Variants in LAMP1 observed in about 807,000 individuals in gnomAD.
The protein encoded by LAMP1 is lysosome associated membrane protein 1.
In LAMP1, 7 loss-of-function variants were observed where a neutral mutation model predicts 37.5. That is an observed-to-expected ratio of 0.19 (90% CI 0.11 to 0.35). The LOEUF (loss-of-function observed/expected upper bound fraction) is 0.35. Among genes scored for constraint, LAMP1 ranks in the 10% least tolerant of loss-of-function variants. The probability of loss-of-function intolerance (pLI) is 1.00; values close to 1 mark genes in which losing one functional copy is unlikely to be tolerated. For missense variants in LAMP1, 537 were observed against 552.8 expected (o/e 0.97, Z 0.29); for synonymous variants, 236 against 229.1 (o/e 1.03, Z -0.27).
At chr13:113,301,323 T>A (rs1260519576) in intron 1 of LAMP1, among the ~76,000 whole-genome samples, 1 of 151,554 alleles carries the variant, frequency 6.6e-6, no homozygotes, top group East Asian at 1.9e-4. Context: ...ACAAAAAAAA[T>A]TAAAAAGAAA....
chr13:113,301,647 ATATATATATATATATATATATATATATAT>A (rs2042574607), intron 1 of LAMP1, among the ~76,000 whole-genome samples: 2 of 392 alleles, frequency 5.1e-3, no homozygotes, highest in South Asian at 0.071. Flanking sequence ...AAAAAAAAAT[ATATATATATATATATATATATATATATAT>A]ATATATATAT....
chr13:113,319,000 G>A (rs1477159234), intron 4 of LAMP1, among the ~76,000 whole-genome samples: 2 of 152,224 alleles, frequency 1.3e-5, no homozygotes, highest in East Asian at 3.8e-4. Flanking sequence ...CGATCCTGGC[G>A]CTCACCCGAC....
intron 1 of LAMP1, chr13:113,305,596 C>G (rs2042594413): frequency 6.6e-6 from 1 of 152,194 alleles, no homozygotes; most frequent in African/African-American, 2.4e-5. Flanking sequence ...CTGGAAAGAC[C>G]TATAGAGCTT....
rs750003380 is a variant in LAMP1 at position 113,320,403 on chromosome 13, G to T, written c.809G>T (p.Gly270Val). The T allele has an allele frequency of 8.1e-6, 13 of 1,613,156 alleles. No individual in the cohort carries two copies. The highest frequency in any genetic ancestry group is 1.1e-5 in the Non-Finnish European group (13 of 1,180,008). The stretch of plus-strand genomic sequence containing the variant: ...AAGACCTCGGCCAGCGGGAGCTGCG[G>T]CGCCCACCTGGTGACTCTGGAGCTG... ...PNKTSASGSCGAHLVTLELHS... is the reference protein window; with the variant it reads ...PNKTSASGSCVAHLVTLELHS... The change falls in exon 6 of 9, where the codon GGC becomes GTC. Residue 270 changes from glycine to valine, a missense_variant. Gly to Val is a moderately radical substitution (Grantham distance 109). Transcript: ENST00000332556. This position sits in a 1 kb window ranked among gnomAD's most constrained non-coding sequence, Gnocchi z 4.4.
intron 1 of LAMP1, among the ~76,000 whole-genome samples, chr13:113,303,346 CTTTATGTGATCCCTGG>C (rs1182602656): frequency 6.6e-6 from 1 of 152,162 alleles, no homozygotes; most frequent in East Asian, 1.9e-4. Flanking sequence ...ACAGTTACTC[CTTTATGTGATCCCTGG>C]AGAAGTGGTC....
chr13:113,316,175 G>T (rs923858048), intron 4 of LAMP1, among the ~76,000 whole-genome samples: 1 of 152,188 alleles, frequency 6.6e-6, no homozygotes, highest in African/African-American at 2.4e-5. Flanking sequence ...CCTGAGGCTG[G>T]AGTCAGCCAG....
rs374546404 is a variant in LAMP1 at position 113,301,071 on chromosome 13, C to T, written c.61+3576C>T. Among the ~76,000 whole-genome samples the T allele has an allele frequency of 2.9e-4, 44 of 152,302 alleles. No homozygotes were observed. In the East Asian group the frequency reaches 6.2e-3, roughly 21 times the overall value. On this transcript the variant is annotated intron_variant, in intron 1 of 8. Coordinates refer to ENST00000332556, the MANE Select transcript of LAMP1 (RefSeq NM_005561.4). The stretch of plus-strand genomic sequence containing the variant: ...TCGGCTGCACTGGGATTATTTTTGC[C>T]TGTGTATCTCCCTTCCTTAACTGAC...
At chr13:113,316,879 A>G (rs1595462789) in intron 4 of LAMP1, among the ~76,000 whole-genome samples, 2 of 152,182 alleles carry the variant, frequency 1.3e-5, no homozygotes, top group South Asian at 2.1e-4. Flanking sequence ...GTCTCAAAAA[A>G]AAAAAAAAAG....
intron 2 of LAMP1, 100 bp from the exon 3 acceptor site, chr13:113,309,543 A>G: frequency 2.3e-6 from 2 of 879,792 alleles, no homozygotes; most frequent in South Asian, 3.5e-5. Flanking sequence ...TTAGTTGGAA[A>G]TGAAGTATAA....
chr13:113,297,256 G>C lies in LAMP1; in HGVS notation c.-179G>C, dbSNP rs1050178972. The C allele has an allele frequency of 4.2e-5, 7 of 168,586 alleles. No homozygotes were observed. The highest frequency in any genetic ancestry group is 3.1e-4 in the Admixed American group (5 of 15,880). The allele number at this position is 168,586 out of a possible 1,614,324, so 10.4% of individuals were successfully genotyped here. ...CGCAGCTCACGTGACAAGCGCTGCC[G>C]GCCGCGGTGTCTTCTTCGTGCCGGC... On this transcript the variant is annotated 5_prime_UTR_variant, in exon 1 of 9. Coordinates refer to ENST00000332556, the MANE Select transcript of LAMP1 (RefSeq NM_005561.4). This position sits in a 1 kb window ranked among gnomAD's most constrained non-coding sequence, Gnocchi z 4.4.
chr13:113,307,918 C>T (rs1468319042), intron 2 of LAMP1, among the ~76,000 whole-genome samples: 1 of 140,090 alleles, frequency 7.1e-6, no homozygotes, highest in African/African-American at 2.7e-5. Context: ...ATGATCTTGC[C>T]ACTGCACTCC....
At chr13:113,310,474 C>T (rs970321061) in intron 3 of LAMP1, among the ~76,000 whole-genome samples, 12 of 152,206 alleles carry the variant, frequency 7.9e-5, no homozygotes, top group East Asian at 5.8e-4. Flanking sequence ...TGCAGTGAGC[C>T]GAGATCACGC....
intron 4 of LAMP1, among the ~76,000 whole-genome samples, chr13:113,312,079 C>G (rs997162171): frequency 1.2e-4 from 18 of 152,172 alleles, no homozygotes; most frequent in African/African-American, 4.1e-4. Context: ...TTGCAACATT[C>G]CTCAGCAGTC....
intron 5 of LAMP1, 149 bp downstream of exon 5, chr13:113,319,805 G>A (rs1404049269): frequency 2.8e-6 from 2 of 722,424 alleles, no homozygotes; most frequent in African/African-American, 3.5e-5. Context: ...TAGAGGACAA[G>A]AGCTGGCGTC....
intron 1 of LAMP1, among the ~76,000 whole-genome samples, chr13:113,298,771 A>G (rs1287543637): frequency 1.3e-5 from 2 of 152,234 alleles, no homozygotes; most frequent in African/African-American, 2.4e-5. Flanking sequence ...AAGTTTTGTC[A>G]TGTCACAGCA....
At chr13:113,310,583 ATTTT>A in intron 3 of LAMP1, 122 bp from the exon 4 acceptor site, 1 of 743,322 alleles carries the variant, frequency 1.3e-6, no homozygotes, top group Non-Finnish European at 2.0e-6. Flanking sequence ...TGCAATTGTG[ATTTT>A]TTTTTTTTAA....
At chr13:113,322,029 C>G in intron 8 of LAMP1, 1 of 582,052 alleles carries the variant, frequency 1.7e-6, no homozygotes, top group Non-Finnish European at 3.0e-6. Context: ...GCACAGAGGC[C>G]CTGGACGCAG....
rs1180120573 is a variant in LAMP1, at chr13:113,320,729, G to A, written c.876+259G>A. On this transcript the variant is annotated intron_variant, in intron 6 of 8. Transcript: ENST00000332556. The surrounding 1 kb of genome is among the most constrained non-coding windows in gnomAD (Gnocchi z 4.4). ...GCAGGGGAGGGCATGCAGGCCGTGC[G>A]GCCTTCTGGCTTCAGATGCTGCTGC... The A allele has an allele frequency of 5.0e-5, 24 of 478,182 alleles. No homozygotes were observed. Among genetic ancestry groups the A allele is most frequent in the Non-Finnish European group, 7.5e-5 (20 of 266,288 alleles). 29.6% of individuals were successfully genotyped at this position (478,182 alleles called of 1,614,324 possible). A position where few individuals can be genotyped will look rare whatever the true frequency, so the allele number is the denominator to read the frequency against.
intron 1 of LAMP1, among the ~76,000 whole-genome samples, chr13:113,301,813 A>G (rs963588712): frequency 6.7e-6 from 1 of 150,082 alleles, no homozygotes; most frequent in African/African-American, 2.4e-5. Context: ...GAATAAAAAT[A>G]CCATATTTAA....
Sources: allele counts gnomAD v4.1 joint callset (sites outside exome capture counted in the v4.1 genomes callset), GRCh38; gene constraint gnomAD v4.1.1; non-coding constraint Gnocchi (gnomAD v3.1); transcripts MANE v1.5; gene names NCBI Gene and HGNC (gene_info 2026-07-23, HGNC 2026-07-21).